The following CELF2 variants were observed in gnomAD, a reference collection of about 807,000 sequenced individuals.
The protein encoded by CELF2 is CUGBP Elav-like family member 2, also known as CUG triplet repeat RNA-binding protein 2.
Under a neutral mutation model 62.6 loss-of-function variants are expected in CELF2, and 8 were observed. The observed-to-expected ratio is 0.13, with a 90% CI of 0.07 to 0.23. The LOEUF is 0.23. CELF2 is among the 10% of genes least tolerant of loss of function. The pLI, the probability that CELF2 is intolerant of heterozygous loss-of-function variation, is 1.00. For synonymous variants in CELF2, 258 were observed against 250.0 expected, an observed-to-expected ratio of 1.03 and a Z score of -0.30; for missense variants, 333 against 671.0, an observed-to-expected ratio of 0.50 and a Z score of 5.56.
the CELF2 span, among the ~76,000 whole-genome samples, chr10:10,785,935 G>A: frequency 1.2e-4 from 19 of 152,022 alleles, no homozygotes; most frequent in Non-Finnish European, 2.1e-4. Context: ...TATGCTAATG[G>A]GCTTGATTTA....
chr10:10,632,072 C>T, the CELF2 span, among the ~76,000 whole-genome samples: 2 of 152,332 alleles, frequency 1.3e-5, no homozygotes, highest in South Asian at 4.1e-4. Flanking sequence ...TTTGCTCCCT[C>T]AAAGTGACCC....
chr10:10,600,316 T>C, the CELF2 span, among the ~76,000 whole-genome samples: 1 of 152,364 alleles, frequency 6.6e-6, no homozygotes, highest in South Asian at 2.1e-4. Context: ...TTAAAACTTC[T>C]CCATATGAGC....
rs938111038 is a variant in CELF2, at chr10:11,191,411, C to T, written c.271+25729C>T. On this transcript the variant is annotated intron_variant, in intron 2 of 12. Transcript: ENST00000633077. The surrounding 1 kb of genome is among the most constrained non-coding windows in gnomAD (Gnocchi z 4.1). ...CGTCCTCTATTGTGTGGGAGGTACC[C>T]CAGGCAATGAAACGGAGAGGTGTCT... Among the ~76,000 whole-genome samples, 1 of 152,132 alleles carries T rather than the reference C, an allele frequency of 6.6e-6. No homozygotes were observed.
chr10:10,714,557 A>G, the CELF2 span, among the ~76,000 whole-genome samples: 4 of 152,294 alleles, frequency 2.6e-5, no homozygotes, highest in African/African-American at 4.8e-5. Flanking sequence ...ATTCACACCA[A>G]TTGAGATCAA....
the CELF2 span, among the ~76,000 whole-genome samples, chr10:10,503,094 G>T: frequency 6.6e-6 from 1 of 151,942 alleles, no homozygotes; most frequent in East Asian, 1.9e-4. Context: ...GAGAACACAT[G>T]ACGCATGATT....
At chr10:10,718,671 T>C in the CELF2 span, among the ~76,000 whole-genome samples, 1 of 150,106 alleles carries the variant, frequency 6.7e-6, no homozygotes, top group East Asian at 2.0e-4. Flanking sequence ...GGTGTCACTG[T>C]GACGTCTCCT....
the CELF2 span, among the ~76,000 whole-genome samples, chr10:10,555,282 T>G: frequency 5.9e-5 from 4 of 67,460 alleles, no homozygotes; most frequent in South Asian, 2.1e-3. Flanking sequence ...CCAGAAAGTC[T>G]TTTTTTTTTT....
the CELF2 span, among the ~76,000 whole-genome samples, chr10:10,649,216 C>CT: frequency 1.3e-5 from 2 of 152,168 alleles, no homozygotes; most frequent in Non-Finnish European, 2.9e-5. Flanking sequence ...CTTTTGTTAT[C>CT]TAAATGATCT....
intron 1 of CELF2, among the ~76,000 whole-genome samples, chr10:11,048,153 AG>A (rs1302613207): frequency 6.6e-6 from 1 of 152,198 alleles, no homozygotes; most frequent in African/African-American, 2.4e-5. Context: ...AGCTTTTCTC[AG>A]TCACTAGAAA....
the CELF2 span, among the ~76,000 whole-genome samples, chr10:10,780,671 G>A: frequency 3.3e-5 from 5 of 152,274 alleles, no homozygotes; most frequent in East Asian, 9.7e-4. Flanking sequence ...AATAGAGACA[G>A]GGTTTCACCA....
At chr10:11,063,522 G>T (rs2067325378) in intron 1 of CELF2, among the ~76,000 whole-genome samples, 1 of 151,936 alleles carries the variant, frequency 6.6e-6, no homozygotes, top group Non-Finnish European at 1.5e-5. Context: ...AGTAATTTGG[G>T]GTCACATTTT....
the CELF2 span, among the ~76,000 whole-genome samples, chr10:10,481,615 C>A: frequency 6.6e-6 from 1 of 152,128 alleles, no homozygotes; most frequent in Non-Finnish European, 1.5e-5. Context: ...AAAGTCACAC[C>A]AGTACCTGGC....
intron 2 of CELF2, among the ~76,000 whole-genome samples, chr10:11,169,925 G>A (rs571487126): frequency 6.6e-6 from 1 of 152,332 alleles, no homozygotes; most frequent in East Asian, 1.9e-4. Context: ...TTTTGATTGA[G>A]TTGAGTCTGC....
the CELF2 span, among the ~76,000 whole-genome samples, chr10:10,620,984 G>T: frequency 2.0e-5 from 3 of 148,198 alleles, no homozygotes; most frequent in African/African-American, 7.5e-5. Flanking sequence ...AGCACTTTGG[G>T]AGGCCGAGGC....
intron 1 of CELF2, among the ~76,000 whole-genome samples, chr10:11,031,672 C>A (rs1399740930): frequency 1.3e-5 from 2 of 152,108 alleles, no homozygotes; most frequent in African/African-American, 4.8e-5. Flanking sequence ...GCTACTGATG[C>A]AAACATTATC....
At chr10:10,663,772 C>T in the CELF2 span, among the ~76,000 whole-genome samples, 1 of 152,190 alleles carries the variant, frequency 6.6e-6, no homozygotes, top group African/African-American at 2.4e-5. Context: ...AGATGAATCA[C>T]AGCATGCAAC....
chr10:11,152,998 C>T (rs1429687419), intron 1 of CELF2, among the ~76,000 whole-genome samples: 5 of 152,170 alleles, frequency 3.3e-5, no homozygotes, highest in African/African-American at 7.2e-5. Context: ...TGGAGCTCTT[C>T]CTTCCAGAAG....
chr10:10,668,222 T>A, the CELF2 span, among the ~76,000 whole-genome samples: 1 of 152,210 alleles, frequency 6.6e-6, no homozygotes, highest in African/African-American at 2.4e-5. Flanking sequence ...TCACGTGTAA[T>A]CATCCGTGAA....
At chr10:10,524,795 GT>G in the CELF2 span, among the ~76,000 whole-genome samples, 1 of 152,092 alleles carries the variant, frequency 6.6e-6, no homozygotes, top group African/African-American at 2.4e-5. Flanking sequence ...GATGAAATGA[GT>G]TTTTGTTTAG....
Sources: allele counts gnomAD v4.1 joint callset (sites outside exome capture counted in the v4.1 genomes callset), GRCh38; gene constraint gnomAD v4.1.1; non-coding constraint Gnocchi (gnomAD v3.1); transcripts MANE v1.5; gene names NCBI Gene and HGNC (gene_info 2026-07-23, HGNC 2026-07-21).